FHIT: variants seen among roughly 807,000 people sequenced by gnomAD.
FHIT encodes the protein bis(5'-adenosyl)-triphosphatase.
In FHIT, 19 loss-of-function variants were observed where a neutral mutation model predicts 17.9. The observed-to-expected ratio is 1.06, with a 90% confidence interval of 0.74 to 1.56. The LOEUF is 1.56. Among genes scored for constraint, FHIT ranks in the 40% most tolerant of loss-of-function variants. The pLI is 0.00. For synonymous variants in FHIT, 81 were observed against 69.7 expected (o/e 1.16, Z -0.81); for missense variants, 248 against 189.2 (o/e 1.31, Z -1.82).
At chr3:59,776,214 G>T (rs1002323871) in intron 8 of FHIT, among the ~76,000 whole-genome samples, 3 of 152,230 alleles carry the variant, frequency 2.0e-5, no homozygotes, top group Non-Finnish European at 4.4e-5. Flanking sequence ...TCAGGCCAGA[G>T]TCCCATAGCT....
At chr3:61,111,549 A>G (rs559868656) in intron 2 of FHIT, among the ~76,000 whole-genome samples, 183 of 152,348 alleles carry the variant, frequency 1.2e-3, no homozygotes, top group African/African-American at 3.9e-3. Flanking sequence ...AGGAAAGAAT[A>G]TATGGACAAA....
chr3:61,228,967 G>A (rs1368839813), intron 1 of FHIT, among the ~76,000 whole-genome samples: 1 of 152,158 alleles, frequency 6.6e-6, no homozygotes, highest in African/African-American at 2.4e-5. Context: ...CCATGCGGAA[G>A]GGAAAATGGA....
chr3:60,117,582 T>C (rs191744594), intron 5 of FHIT, among the ~76,000 whole-genome samples: 1 of 151,702 alleles, frequency 6.6e-6, no homozygotes, highest in East Asian at 1.9e-4. Context: ...GAGCTTGCTA[T>C]GGTTAATTGG....
intron 1 of FHIT, among the ~76,000 whole-genome samples, chr3:61,207,693 T>C (rs2106731464): frequency 6.6e-6 from 1 of 152,330 alleles, no homozygotes; most frequent in African/African-American, 2.4e-5. Flanking sequence ...ATTGTGTCTA[T>C]TTGATTCTTC....
intron 4 of FHIT, among the ~76,000 whole-genome samples, chr3:60,651,288 A>G (rs2039984764): frequency 6.6e-6 from 1 of 152,138 alleles, no homozygotes; most frequent in African/African-American, 2.4e-5. Flanking sequence ...TTTATAACAA[A>G]TTTTGTTGTT....
chr3:59,917,396 T>A (rs1377381210), intron 8 of FHIT, among the ~76,000 whole-genome samples: 1 of 152,248 alleles, frequency 6.6e-6, no homozygotes, highest in Non-Finnish European at 1.5e-5. Flanking sequence ...TTATTTGGGA[T>A]ACAGCTAGGG....
chr3:60,378,096 G>C (rs1181407426), intron 5 of FHIT, among the ~76,000 whole-genome samples: 1 of 151,856 alleles, frequency 6.6e-6, no homozygotes, highest in Non-Finnish European at 1.5e-5. Flanking sequence ...GCGCGATCAC[G>C]GCTCACTGCG....
chr3:60,028,255 C>T (rs557513607), intron 5 of FHIT, among the ~76,000 whole-genome samples: 1 of 152,268 alleles, frequency 6.6e-6, no homozygotes, highest in East Asian at 1.9e-4. Context: ...CTCATGGTTC[C>T]AATATGCACA....
chr3:59,952,652 G>A (rs1038063052), intron 7 of FHIT, among the ~76,000 whole-genome samples: 6 of 152,166 alleles, frequency 3.9e-5, no homozygotes, highest in South Asian at 2.1e-4. Context: ...CAGTAAGGGG[G>A]AAAACATGGT....
At chr3:61,105,577 A>T (rs2035966377) in intron 2 of FHIT, among the ~76,000 whole-genome samples, 1 of 152,112 alleles carries the variant, frequency 6.6e-6, no homozygotes, top group African/African-American at 2.4e-5. Context: ...ATAATAAAAA[A>T]AAAGTGGTCT....
chr3:59,753,909 C>A (rs1701057717), intron 8 of FHIT, among the ~76,000 whole-genome samples: 1 of 152,080 alleles, frequency 6.6e-6, no homozygotes, highest in African/African-American at 2.4e-5. Context: ...AAAGAGCATC[C>A]CACAGATACT....
At chr3:59,841,326 C>A (rs181581408) in intron 8 of FHIT, among the ~76,000 whole-genome samples, 87 of 152,268 alleles carry the variant, frequency 5.7e-4, no homozygotes, top group African/African-American at 1.8e-3. Context: ...GGCCTCCCAA[C>A]TGTAAGGTGG....
At chr3:60,099,724 T>A (rs1439725153) in intron 5 of FHIT, among the ~76,000 whole-genome samples, 1 of 152,114 alleles carries the variant, frequency 6.6e-6, no homozygotes, top group Non-Finnish European at 1.5e-5. Flanking sequence ...CATCTCAAAT[T>A]TTTTTGACTT....
chr3:60,404,656 C>T (rs924799692), intron 5 of FHIT, among the ~76,000 whole-genome samples: 1 of 152,130 alleles, frequency 6.6e-6, no homozygotes, highest in African/African-American at 2.4e-5. Context: ...AGGACCACAC[C>T]TGTCTTTTGA....
chr3:59,819,857 C>G (rs1325461863), intron 8 of FHIT, among the ~76,000 whole-genome samples: 2 of 152,176 alleles, frequency 1.3e-5, no homozygotes, highest in Non-Finnish European at 2.9e-5. Flanking sequence ...GGGGCTCTAC[C>G]CTCATGAATG....
At chr3:60,452,156 C>T (rs1471235591) in intron 5 of FHIT, among the ~76,000 whole-genome samples, 1 of 152,110 alleles carries the variant, frequency 6.6e-6, no homozygotes, top group African/African-American at 2.4e-5. Context: ...TCATTTCAGG[C>T]CCTGCATAAA....
chr3:60,587,072 T>C (rs1036964417), intron 4 of FHIT, among the ~76,000 whole-genome samples: 3 of 151,826 alleles, frequency 2.0e-5, no homozygotes, highest in Non-Finnish European at 2.9e-5. Context: ...ATCTAAGCTC[T>C]CTATCAGAAA....
At chr3:59,783,717 C>A (rs1575487569) in intron 8 of FHIT, among the ~76,000 whole-genome samples, 1 of 152,170 alleles carries the variant, frequency 6.6e-6, no homozygotes, top group East Asian at 1.9e-4. Flanking sequence ...GGTGAGCACA[C>A]ACCTCCCCAT....
At chr3:60,341,264 C>T (rs914342988) in intron 5 of FHIT, among the ~76,000 whole-genome samples, 3 of 152,046 alleles carry the variant, frequency 2.0e-5, no homozygotes, top group Admixed American at 6.6e-5. Flanking sequence ...TAAGCCTCAT[C>T]GTTGCATGTA....
Sources: gnomAD v4.1 joint callset for allele counts (sites outside exome capture counted in the v4.1 genomes callset) on GRCh38, gnomAD v4.1.1 for gene constraint, MANE v1.5 for transcripts, NCBI Gene and HGNC (gene_info 2026-07-23, HGNC 2026-07-21) for gene names.